SAMD12: variants seen among roughly 807,000 people sequenced by gnomAD.
The protein encoded by SAMD12 is sterile alpha motif domain containing 12, also known as sterile alpha motif domain-containing protein 12.
SAMD12 carries 9 observed loss-of-function variants against 15.0 expected under a neutral mutation model. The observed-to-expected ratio is 0.60, with a 90% confidence interval of 0.36 to 1.05. SAMD12 has a LOEUF of 1.05. Ranked by LOEUF, SAMD12 falls within the 50% of genes least tolerant of loss-of-function variation. The pLI, the probability that SAMD12 is intolerant of heterozygous loss-of-function variation, is 0.01. For missense variants in SAMD12, 230 were observed against 234.2 expected (o/e 0.98, Z 0.12); for synonymous variants, 86 against 90.1 (o/e 0.96, Z 0.25).
At chr8:118,155,278 A>G in the SAMD12 span, among the ~76,000 whole-genome samples, 1 of 152,170 alleles carries the variant, frequency 6.6e-6, no homozygotes, top group African/African-American at 2.4e-5. Context: ...AACGGACTCA[A>G]CCCTAAATTA....
chr8:118,314,924 A>G (rs1815813418), intron 4 of SAMD12, among the ~76,000 whole-genome samples: 1 of 152,204 alleles, frequency 6.6e-6, no homozygotes, highest in African/African-American at 2.4e-5. Flanking sequence ...TTCTGGGACA[A>G]ATGTCCAACA....
chr8:118,303,615 T>C (rs535281903), intron 4 of SAMD12, among the ~76,000 whole-genome samples: 24 of 152,288 alleles, frequency 1.6e-4, no homozygotes, highest in African/African-American at 5.5e-4. Flanking sequence ...AAAACAAAAT[T>C]TCTTTCTCTT....
chr8:118,550,003 A>C (rs990519177), intron 2 of SAMD12, among the ~76,000 whole-genome samples: 1 of 152,166 alleles, frequency 6.6e-6, no homozygotes, highest in Admixed American at 6.5e-5. Flanking sequence ...AAATGAACAA[A>C]ACCTCCAAGA....
chr8:118,156,929 G>A, the SAMD12 span, among the ~76,000 whole-genome samples: 2 of 152,108 alleles, frequency 1.3e-5, no homozygotes, highest in African/African-American at 4.8e-5. Flanking sequence ...GATAAATTAC[G>A]CAGGGTCAGT....
intron 2 of SAMD12, among the ~76,000 whole-genome samples, chr8:118,456,269 C>CAGA (rs1823247752): frequency 6.6e-6 from 1 of 152,188 alleles, no homozygotes; most frequent in Non-Finnish European, 1.5e-5. Flanking sequence ...TGGCTAGCTT[C>CAGA]AGCTCATCAT....
At chr8:118,180,405 C>A in the SAMD12 span, among the ~76,000 whole-genome samples, 4 of 152,050 alleles carry the variant, frequency 2.6e-5, no homozygotes, top group African/African-American at 7.2e-5. Flanking sequence ...CACACCACGA[C>A]CCTTCCCTTC....
chr8:118,509,144 C>G (rs1825004631), intron 2 of SAMD12, among the ~76,000 whole-genome samples: 1 of 152,096 alleles, frequency 6.6e-6, no homozygotes, highest in South Asian at 2.1e-4. Context: ...GTTGATCATT[C>G]TGAAGAGGCA....
the SAMD12 span, among the ~76,000 whole-genome samples, chr8:118,148,268 T>A: frequency 4.7e-3 from 711 of 151,996 alleles, 3 homozygotes; most frequent in African/African-American, 0.015. Flanking sequence ...CTTGCTATGC[T>A]GCTCAGGCTG....
In SAMD12 at chr8:118,327,928, C is replaced by G. The variant is rs184996302; in HGVS notation, c.433+51632G>C. On this transcript the variant is annotated intron_variant, in intron 4 of 4. Coordinates refer to the SAMD12 transcript ENST00000409003. ...TTTTAAGGTTTGCCAGATCTGTTTT[C>G]GATCTTCAAAATGCAGACTGTGGGT... Among the ~76,000 whole-genome samples the G allele has an allele frequency of 5.4e-3, 820 of 152,240 alleles. 6 individuals carry two copies. Among genetic ancestry groups the G allele is most frequent in the African/African-American group, 0.018 (762 of 41,540 alleles).
In SAMD12 at chr8:118,244,888, T is replaced by G. The variant is rs549035082; in HGVS notation, c.434-47156A>C. ...ACCAGACACTAGCCCTGTGTAGGGT[T>G]TTATAAACAGGGATGTCCAAGGATA... On this transcript the variant is annotated intron_variant, in intron 4 of 4. Coordinates refer to the SAMD12 transcript ENST00000409003. Among the ~76,000 whole-genome samples, 6 of 152,192 alleles carry G rather than the reference T, an allele frequency of 3.9e-5. No individual in the cohort carries two copies. The East Asian group carries it at 9.7e-4, about 25-fold the overall frequency.
At chr8:118,545,140 T>C (rs999484681) in intron 2 of SAMD12, among the ~76,000 whole-genome samples, 1 of 152,164 alleles carries the variant, frequency 6.6e-6, no homozygotes, top group South Asian at 2.1e-4. Flanking sequence ...TGTATACACA[T>C]GCATGTATAA....
intron 4 of SAMD12, among the ~76,000 whole-genome samples, chr8:118,301,186 A>G (rs1050152098): frequency 2.6e-5 from 4 of 152,204 alleles, no homozygotes; most frequent in Admixed American, 6.5e-5. Context: ...CTTTTTGAAA[A>G]TGCAAAGAGC....
chr8:118,405,215 AC>A (rs1473425264), intron 3 of SAMD12, among the ~76,000 whole-genome samples: 1 of 152,134 alleles, frequency 6.6e-6, no homozygotes, highest in African/African-American at 2.4e-5. Context: ...TATACACAAG[AC>A]CCAACGATTC....
At chr8:118,483,307 G>A (rs1191633195) in intron 2 of SAMD12, among the ~76,000 whole-genome samples, 2 of 152,168 alleles carry the variant, frequency 1.3e-5, no homozygotes, top group Admixed American at 1.3e-4. Context: ...ACACTATTTT[G>A]CATTAACATG....
chr8:118,174,549 T>A, the SAMD12 span, among the ~76,000 whole-genome samples: 1,169 of 152,286 alleles, frequency 7.7e-3, 17 homozygotes, highest in South Asian at 0.04. Context: ...CATTTTACTA[T>A]ACTGGCAAAT....
chr8:118,401,660 C>A (rs1420735874), intron 3 of SAMD12, among the ~76,000 whole-genome samples: 3 of 151,828 alleles, frequency 2.0e-5, no homozygotes, highest in Non-Finnish European at 4.4e-5. Context: ...CAGGTACGAG[C>A]CACTGTGTCC....
In SAMD12 at chr8:118,379,308, C is replaced by T. The variant is rs371982803; in HGVS notation, c.*109G>A. The T allele has an allele frequency of 7.7e-5, 114 of 1,484,798 alleles. No individual in the cohort carries two copies. Among genetic ancestry groups the T allele is most frequent in the Non-Finnish European group, 9.0e-5 (101 of 1,121,860 alleles). 92.0% of individuals were successfully genotyped at this position (1,484,798 alleles called of 1,614,324 possible). ...GCAGTACACAATCCATACAACTGTA[C>T]GTGACCACCTTGAAGTTAGCTCAGG... On this transcript the variant is annotated 3_prime_UTR_variant, in exon 4 of 4. Coordinates refer to ENST00000314727, the MANE Select transcript of SAMD12 (RefSeq NM_207506.3).
At chr8:118,132,786 G>A in the SAMD12 span, among the ~76,000 whole-genome samples, 12 of 151,664 alleles carry the variant, frequency 7.9e-5, no homozygotes, top group African/African-American at 2.7e-4. Flanking sequence ...GCTGAGTGCA[G>A]TTTTTAATTG....
chr8:118,385,889 A>T (rs982612636), intron 3 of SAMD12, among the ~76,000 whole-genome samples: 2 of 152,362 alleles, frequency 1.3e-5, no homozygotes, highest in Non-Finnish European at 1.5e-5. Context: ...GAAACTGAAC[A>T]TATAGAGGGA....
Sources: allele counts gnomAD v4.1 joint callset (sites outside exome capture counted in the v4.1 genomes callset), GRCh38; gene constraint gnomAD v4.1.1; transcripts MANE v1.5; gene names NCBI Gene and HGNC (gene_info 2026-07-23, HGNC 2026-07-21).